Variants in EDIL3 observed in about 807,000 individuals in gnomAD.
EDIL3 encodes the protein EGF like and discoidin domains 3.
In EDIL3, 37 loss-of-function variants were observed where a neutral mutation model predicts 67.4. The observed-to-expected ratio is 0.55, with a 90% CI of 0.42 to 0.72. The LOEUF (loss-of-function observed/expected upper bound fraction) is 0.72. Ranked by LOEUF, EDIL3 falls within the 30% of genes least tolerant of loss-of-function variation. EDIL3 has a pLI of 0.00. For synonymous variants in EDIL3, 195 were observed against 196.3 expected (o/e 0.99, Z 0.05); for missense variants, 527 against 586.3 (o/e 0.90, Z 1.04).
rs145250269 is a variant in EDIL3 at position 84,113,585 on chromosome 5, T to C, written c.470-6755A>G. Among the ~76,000 whole-genome samples the C allele has an allele frequency of 1.6e-3, 241 of 152,292 alleles. 1 individual carries two copies. Among genetic ancestry groups the C allele is most frequent in the African/African-American group, 4.5e-3 (186 of 41,582 alleles). ...AGTGGAGTCCTTCTCACTCTGCAAATTCATTCTCTGGAGTATGGCAAAGAA... is the reference window on the plus strand; with the variant it reads ...AGTGGAGTCCTTCTCACTCTGCAAACTCATTCTCTGGAGTATGGCAAAGAA... On this transcript the variant is annotated intron_variant, in intron 5 of 10. Coordinates refer to ENST00000296591, the MANE Select transcript of EDIL3 (RefSeq NM_005711.5).
chr5:83,947,549 T>C (rs1407267248), intron 10 of EDIL3, among the ~76,000 whole-genome samples: 3 of 151,848 alleles, frequency 2.0e-5, no homozygotes, highest in Admixed American at 2.0e-4. Flanking sequence ...TGTTTTTATC[T>C]AATTCTACCC....
intron 1 of EDIL3, among the ~76,000 whole-genome samples, chr5:84,294,593 G>T (rs575421798): frequency 1.3e-5 from 2 of 151,492 alleles, no homozygotes; most frequent in Non-Finnish European, 2.9e-5. Context: ...TCACACTCAA[G>T]AATTATACCA....
intron 3 of EDIL3, among the ~76,000 whole-genome samples, chr5:84,190,379 C>G (rs1743554373): frequency 6.6e-6 from 1 of 151,808 alleles, no homozygotes; most frequent in South Asian, 2.1e-4. Flanking sequence ...CCATTCATTA[C>G]ACAATACAAT....
At chr5:83,958,469 C>G (rs1744552484) in intron 10 of EDIL3, among the ~76,000 whole-genome samples, 1 of 151,420 alleles carries the variant, frequency 6.6e-6, no homozygotes, top group African/African-American at 2.4e-5. Context: ...ATTTTGTTTT[C>G]TGTTTTGGAA....
chr5:84,351,678 C>T (rs756477321), intron 1 of EDIL3, among the ~76,000 whole-genome samples: 19 of 152,104 alleles, frequency 1.2e-4, no homozygotes, highest in Non-Finnish European at 2.2e-4. Flanking sequence ...TCTTCATCTG[C>T]AAAGTGAGTG....
chr5:84,370,718 CTT>C (rs1448562696), intron 1 of EDIL3, among the ~76,000 whole-genome samples: 1 of 152,136 alleles, frequency 6.6e-6, no homozygotes, highest in Non-Finnish European at 1.5e-5. Flanking sequence ...CAGTAGGTCA[CTT>C]AATCTATTCA....
intron 9 of EDIL3, among the ~76,000 whole-genome samples, chr5:84,051,529 C>T (rs1364470303): frequency 2.0e-5 from 3 of 152,120 alleles, no homozygotes; most frequent in African/African-American, 7.2e-5. Flanking sequence ...GGAGGAAGTT[C>T]GAACCCATTG....
chr5:84,086,939 G>C (rs1747083366), intron 6 of EDIL3, among the ~76,000 whole-genome samples: 1 of 152,106 alleles, frequency 6.6e-6, no homozygotes, highest in South Asian at 2.1e-4. Context: ...GGGATGAAGA[G>C]GGGAGAAGAG....
At chr5:84,038,671 C>T (rs919974031) in intron 9 of EDIL3, among the ~76,000 whole-genome samples, 3 of 152,162 alleles carry the variant, frequency 2.0e-5, no homozygotes, top group Non-Finnish European at 4.4e-5. Flanking sequence ...GATGTCCCAG[C>T]GTTTTTCACT....
At chr5:83,964,588 T>C (rs1265491836) in intron 9 of EDIL3, among the ~76,000 whole-genome samples, 2 of 152,014 alleles carry the variant, frequency 1.3e-5, no homozygotes, top group Admixed American at 1.3e-4. Flanking sequence ...ATGCATAGAA[T>C]AAGGCCATAT....
intron 10 of EDIL3, among the ~76,000 whole-genome samples, chr5:83,952,443 C>G (rs538915498): frequency 3.6e-4 from 54 of 151,858 alleles, no homozygotes; most frequent in Admixed American, 2.1e-3. Flanking sequence ...TATCTGCCTT[C>G]CACTACTCAG....
At chr5:83,945,042 T>A (rs1744288298) in intron 10 of EDIL3, among the ~76,000 whole-genome samples, 1 of 151,886 alleles carries the variant, frequency 6.6e-6, no homozygotes, top group Admixed American at 6.6e-5. Context: ...AAAATCATAT[T>A]CTCCTCAAAA....
intron 9 of EDIL3, among the ~76,000 whole-genome samples, chr5:83,982,424 T>G (rs901663764): frequency 6.6e-6 from 1 of 152,084 alleles, no homozygotes; most frequent in Non-Finnish European, 1.5e-5. Flanking sequence ...CCTCAATTAT[T>G]CCATGGCAAA....
intron 2 of EDIL3, among the ~76,000 whole-genome samples, chr5:84,249,786 T>C (rs1744986979): frequency 1.3e-5 from 2 of 152,148 alleles, no homozygotes; most frequent in African/African-American, 4.8e-5. Flanking sequence ...AGATTTCCAT[T>C]TATGAACTGT....
chr5:84,306,014 C>T (rs1009777260), intron 1 of EDIL3, among the ~76,000 whole-genome samples: 4 of 151,924 alleles, frequency 2.6e-5, no homozygotes, highest in Admixed American at 6.6e-5. Context: ...TGAACAAATT[C>T]CTGTTCAGTC....
chr5:84,176,874 T>C (rs748081089), intron 4 of EDIL3, among the ~76,000 whole-genome samples: 26 of 152,024 alleles, frequency 1.7e-4, no homozygotes, highest in Non-Finnish European at 3.1e-4. Context: ...ATTATTCTTA[T>C]AAAGTTATAA....
chr5:83,970,674 T>C (rs914972041), intron 9 of EDIL3, among the ~76,000 whole-genome samples: 13 of 139,648 alleles, frequency 9.3e-5, no homozygotes, highest in African/African-American at 3.6e-4. Context: ...TATATATATA[T>C]ATATATATAT....
intron 2 of EDIL3, among the ~76,000 whole-genome samples, chr5:84,245,210 A>G (rs1744885261): frequency 6.6e-6 from 1 of 152,192 alleles, no homozygotes; most frequent in Admixed American, 6.5e-5. Context: ...ATGGCCTACT[A>G]CAGTAATCAA....
intron 9 of EDIL3, among the ~76,000 whole-genome samples, chr5:83,965,252 T>G (rs187734318): frequency 1.3e-5 from 2 of 152,108 alleles, no homozygotes; most frequent in Non-Finnish European, 2.9e-5. Context: ...CTGACAGCAA[T>G]TTAAGTCAAA....
Sources: allele counts gnomAD v4.1 joint callset (sites outside exome capture counted in the v4.1 genomes callset), GRCh38; gene constraint gnomAD v4.1.1; transcripts MANE v1.5; gene names NCBI Gene and HGNC (gene_info 2026-07-23, HGNC 2026-07-21).